Variants in TIMP3 observed in about 807,000 individuals in gnomAD.
TIMP3 encodes TIMP metallopeptidase inhibitor 3, also known as metalloproteinase inhibitor 3.
In TIMP3, 11 loss-of-function variants were observed where a neutral mutation model predicts 30.0. That is an observed-to-expected ratio of 0.37 (90% CI 0.23 to 0.61). TIMP3 has a LOEUF of 0.61. Among genes scored for constraint, TIMP3 ranks in the 20% least tolerant of loss-of-function variants. The pLI, the probability that TIMP3 is intolerant of heterozygous loss-of-function variation, is 0.70. For missense variants in TIMP3, 181 were observed against 276.8 expected, an observed-to-expected ratio of 0.65 and a Z score of 2.45; for synonymous variants, 112 against 111.3, an observed-to-expected ratio of 1.01 and a Z score of -0.04.
intron 1 of TIMP3, among the ~76,000 whole-genome samples, chr22:32,803,338 G>A (rs894743819): frequency 5.3e-5 from 8 of 152,092 alleles, no homozygotes; most frequent in African/African-American, 1.9e-4. Context: ...AGGAGGGGGA[G>A]GAGGTAGGAG....
chr22:32,802,290 G>A (rs974807461), intron 1 of TIMP3, among the ~76,000 whole-genome samples, 168 bp downstream of exon 1: 3 of 152,122 alleles, frequency 2.0e-5, no homozygotes, highest in Non-Finnish European at 4.4e-5. Flanking sequence ...CGCTGGCATA[G>A]CTGAGAGGGG....
rs1257108549 is a variant in TIMP3 at position 32,837,424 on chromosome 22, GC to G, written c.122-12023del. Reference sequence around the variant, plus strand: ...GCTTGAGCTTTTGAGAGGTCAGCATGCCCCCTTAAACTTGATGTCTCCTCAG... The same window carrying G: ...GCTTGAGCTTTTGAGAGGTCAGCATGCCCCTTAAACTTGATGTCTCCTCAG... On this transcript the variant is annotated intron_variant, in intron 1 of 4. Coordinates refer to ENST00000266085, the MANE Select transcript of TIMP3 (RefSeq NM_000362.5). The surrounding 1 kb of genome is among the most constrained non-coding windows in gnomAD (Gnocchi z 4.1). Among the ~76,000 whole-genome samples the G allele has an allele frequency of 6.6e-6, 1 of 152,084 alleles. No individual in the cohort carries two copies. Among genetic ancestry groups the G allele is most frequent in the Non-Finnish European group, 1.5e-5 (1 of 68,016 alleles).
intron 1 of TIMP3, among the ~76,000 whole-genome samples, chr22:32,816,942 C>T (rs372033249): frequency 4.6e-5 from 7 of 152,012 alleles, no homozygotes; most frequent in African/African-American, 1.2e-4. Flanking sequence ...TCTTTGGAGC[C>T]GGGCACAGCG....
intron 1 of TIMP3, among the ~76,000 whole-genome samples, chr22:32,840,642 C>T (rs1024535102): frequency 1.3e-5 from 2 of 152,094 alleles, no homozygotes; most frequent in African/African-American, 4.8e-5. Flanking sequence ...ACCGCCGCCC[C>T]CTCCGCCCCC....
intron 1 of TIMP3, among the ~76,000 whole-genome samples, chr22:32,831,846 C>T (rs1443130639): frequency 2.0e-5 from 3 of 152,102 alleles, no homozygotes; most frequent in East Asian, 3.9e-4. Flanking sequence ...GATGTCACTG[C>T]ACCCCCCCCA....
chr22:32,840,335 G>A lies in TIMP3; in HGVS notation c.122-9117G>A, dbSNP rs117537129. Among the ~76,000 whole-genome samples, 91 of 152,280 alleles carry A rather than the reference G, an allele frequency of 6.0e-4. No homozygotes were observed. The East Asian group carries it at 0.017, about 29-fold the overall frequency. On this transcript the variant is annotated intron_variant, in intron 1 of 4. Coordinates refer to ENST00000266085, the MANE Select transcript of TIMP3 (RefSeq NM_000362.5). ...GGGACTCCTTATCTTGATGGGGAGT[G>A]CATGTTAACGGTCTGGCCTTGGCGT...
chr22:32,810,062 G>A (rs548367609), intron 1 of TIMP3, among the ~76,000 whole-genome samples: 1 of 152,290 alleles, frequency 6.6e-6, no homozygotes, highest in South Asian at 2.1e-4. Context: ...ATTTTCCTAT[G>A]TTCATGTCTG....
At chr22:32,845,135 A>G (rs1001456926) in intron 1 of TIMP3, among the ~76,000 whole-genome samples, 1 of 151,916 alleles carries the variant, frequency 6.6e-6, no homozygotes, top group Admixed American at 6.6e-5. Context: ...TGAGATTCAC[A>G]CTGAGCCTCA....
At chr22:32,803,386 G>A (rs977238801) in intron 1 of TIMP3, among the ~76,000 whole-genome samples, 8 of 152,000 alleles carry the variant, frequency 5.3e-5, no homozygotes, top group African/African-American at 1.9e-4. Context: ...GAGGGGCACT[G>A]CTGGTGGGCT....
chr22:32,834,902 A>C (rs2047684865), intron 1 of TIMP3, among the ~76,000 whole-genome samples: 1 of 152,164 alleles, frequency 6.6e-6, no homozygotes, highest in African/African-American at 2.4e-5. Flanking sequence ...TATATCTGTC[A>C]CCCAGGGAAC....
chr22:32,841,922 T>C (rs2047916953), intron 1 of TIMP3, among the ~76,000 whole-genome samples: 1 of 152,148 alleles, frequency 6.6e-6, no homozygotes, highest in Admixed American at 6.6e-5. Context: ...CTGTCAGTTG[T>C]GCAGATGGTG....
Position 32,860,915 on chromosome 22 carries a change from T to G in TIMP3, c.*1538T>G, listed in dbSNP as rs1405456230. 2.3e-4 allele frequency: 8 copies of G among 34,800 alleles called. No homozygotes were observed. Among genetic ancestry groups the G allele is most frequent in the East Asian group, 4.8e-4 (1 of 2,068 alleles). The allele number at this position is 34,800 out of a possible 1,614,324, so 2.2% of individuals were successfully genotyped here. A position where few individuals can be genotyped will look rare whatever the true frequency, so the allele number is the denominator to read the frequency against. ...ACCAGTTGTAGGGTTTCTGTTGTGTTTTTTTTTTTTTTTTTGAAATAAAAC... is the reference window on the plus strand; with the variant it reads ...ACCAGTTGTAGGGTTTCTGTTGTGTGTTTTTTTTTTTTTTTGAAATAAAAC... On this transcript the variant is annotated 3_prime_UTR_variant, in exon 5 of 5. Coordinates refer to ENST00000266085, the MANE Select transcript of TIMP3 (RefSeq NM_000362.5).
chr22:32,815,488 T>C (rs1318181824), intron 1 of TIMP3, among the ~76,000 whole-genome samples: 1 of 152,228 alleles, frequency 6.6e-6, no homozygotes, highest in African/African-American at 2.4e-5. Flanking sequence ...AAGCATTATC[T>C]CCTTTAAACT....
intron 1 of TIMP3, among the ~76,000 whole-genome samples, chr22:32,813,663 A>T (rs1296372252): frequency 2.0e-5 from 3 of 146,826 alleles, no homozygotes; most frequent in African/African-American, 7.5e-5. Flanking sequence ...GTAACACCCA[A>T]TTTTTTTTTT....
At position 32,859,572 on chromosome 22, in the gene TIMP3, C is replaced by G; in HGVS notation, c.*195C>G. The G allele has an allele frequency of 1.4e-6, 1 of 701,466 alleles. No individual in the cohort carries two copies. The allele number at this position is 701,466 out of a possible 1,614,324, so 43.5% of individuals were successfully genotyped here. On this transcript the variant is annotated 3_prime_UTR_variant, in exon 5 of 5. Transcript: ENST00000266085. ...TCCTCCTGGCCCCACCCTGCCCCTT[C>G]TTTTTGGTTTTGACATCATTCATTT... is the stretch of plus-strand genomic sequence containing the variant.
intron 1 of TIMP3, among the ~76,000 whole-genome samples, chr22:32,847,255 C>T (rs998993655): frequency 3.9e-5 from 6 of 152,170 alleles, no homozygotes; most frequent in Non-Finnish European, 8.8e-5. Context: ...AAACAGTCCC[C>T]GGGGCCTCCG....
At chr22:32,851,086 C>T (rs1486372219) in intron 2 of TIMP3, among the ~76,000 whole-genome samples, 3 of 152,166 alleles carry the variant, frequency 2.0e-5, no homozygotes, top group Admixed American at 6.5e-5. Flanking sequence ...TGTCTTCAGA[C>T]AGCCCTGGGG....
intron 1 of TIMP3, among the ~76,000 whole-genome samples, chr22:32,843,960 T>C (rs2047987954): frequency 6.6e-6 from 1 of 152,122 alleles, no homozygotes; most frequent in Non-Finnish European, 1.5e-5. Flanking sequence ...CGGTGGTATC[T>C]CACCTGCTAG....
At chr22:32,840,715 C>T (rs2047874808) in intron 1 of TIMP3, among the ~76,000 whole-genome samples, 1 of 152,148 alleles carries the variant, frequency 6.6e-6, no homozygotes, top group Non-Finnish European at 1.5e-5. Flanking sequence ...TGAGTCTCTT[C>T]TGCAGGATGG....
Sources: allele counts gnomAD v4.1 joint callset (sites outside exome capture counted in the v4.1 genomes callset), GRCh38; gene constraint gnomAD v4.1.1; non-coding constraint Gnocchi (gnomAD v3.1); transcripts MANE v1.5; gene names NCBI Gene and HGNC (gene_info 2026-07-23, HGNC 2026-07-21).